Variants in GPT2 observed in about 807,000 individuals in gnomAD.
GPT2 encodes the protein alanine aminotransferase 2.
Under a neutral mutation model 56.9 loss-of-function variants are expected in GPT2, and 30 were observed. The ratio of observed to expected loss-of-function variants is 0.53; its 90% CI spans 0.39 to 0.72. The LOEUF (loss-of-function observed/expected upper bound fraction) is 0.72. Ranked by LOEUF, GPT2 falls within the 30% of genes least tolerant of loss-of-function variation. The pLI is 0.00. For missense variants in GPT2, 542 were observed against 703.4 expected (o/e 0.77, Z 2.60); for synonymous variants, 271 against 283.1 (o/e 0.96, Z 0.43).
At chr16:46,907,860 C>T (rs893311569) in intron 5 of GPT2, among the ~76,000 whole-genome samples, 10 of 152,044 alleles carry the variant, frequency 6.6e-5, no homozygotes, top group African/African-American at 2.4e-4. Context: ...GGTCAGCTAC[C>T]GATGGGGTCG....
chr16:46,898,956 GTATATATATACACACACACATATA>G (rs1960750573), intron 3 of GPT2, among the ~76,000 whole-genome samples: 1 of 89,524 alleles, frequency 1.1e-5, no homozygotes, highest in African/African-American at 4.3e-5. Flanking sequence ...ACATATATGT[GTATATATATACACACACACATATA>G]TATATATATA....
chr16:46,890,631 G>A (rs1596859766), intron 2 of GPT2, among the ~76,000 whole-genome samples: 1 of 152,156 alleles, frequency 6.6e-6, no homozygotes, highest in Non-Finnish European at 1.5e-5. Flanking sequence ...TATTGAGGGG[G>A]AGACAAATAT....
At chr16:46,911,262 A>G (rs1429839959) in intron 6 of GPT2, among the ~76,000 whole-genome samples, 3 of 152,184 alleles carry the variant, frequency 2.0e-5, no homozygotes, top group Non-Finnish European at 4.4e-5. Flanking sequence ...CGCTGCCTTC[A>G]TATGCCCCCA....
intron 3 of GPT2, among the ~76,000 whole-genome samples, chr16:46,899,027 ATATATATATT>A (rs1960761678): frequency 4.4e-4 from 3 of 6,840 alleles, no homozygotes; most frequent in Admixed American, 2.2e-3. Context: ...ATATATATAT[ATATATATATT>A]TTTTTTTTTT....
At chr16:46,891,374 C>T (rs998049567) in intron 2 of GPT2, among the ~76,000 whole-genome samples, 1 of 151,864 alleles carries the variant, frequency 6.6e-6, no homozygotes, top group Non-Finnish European at 1.5e-5. Context: ...TCCTGAGTAG[C>T]TGGGATTACA....
At chr16:46,903,147 A>T (rs1453253861) in intron 4 of GPT2, among the ~76,000 whole-genome samples, 2 of 151,450 alleles carry the variant, frequency 1.3e-5, no homozygotes, top group Non-Finnish European at 2.9e-5. Context: ...TACTTGGGAG[A>T]CTGAGACAGG....
intron 2 of GPT2, among the ~76,000 whole-genome samples, chr16:46,896,501 G>A (rs1228087282): frequency 2.0e-5 from 3 of 151,782 alleles, no homozygotes; most frequent in Non-Finnish European, 4.4e-5. Context: ...ATTCTGCAAA[G>A]AATGGGTTGC....
chr16:46,886,833 TTC>T (rs1406546315), intron 2 of GPT2, among the ~76,000 whole-genome samples: 1 of 152,158 alleles, frequency 6.6e-6, no homozygotes, highest in Non-Finnish European at 1.5e-5. Context: ...CATCTCTGAT[TTC>T]TGAGACAGAA....
chr16:46,906,540 G>A lies in GPT2; in HGVS notation c.443-302G>A, dbSNP rs186658104. Among the ~76,000 whole-genome samples, 9 of 152,318 alleles carry A rather than the reference G, an allele frequency of 5.9e-5. No homozygotes were observed. In the East Asian group the frequency reaches 1.3e-3, roughly 23 times the overall value. ...GTGGACACCATTTGACTGAGTAGAA[G>A]CCAGGGCCTAGAATAATGTGTAACG... On this transcript the variant is annotated intron_variant, in intron 4 of 11. Transcript: ENST00000340124.
chr16:46,901,470 G>A (rs1342633906), intron 4 of GPT2, among the ~76,000 whole-genome samples: 2 of 152,134 alleles, frequency 1.3e-5, no homozygotes, highest in African/African-American at 2.4e-5. Context: ...CCAGCCTCTG[G>A]GCCTCCAGGT....
At chr16:46,918,815 G>A (rs959527908) in intron 8 of GPT2, 58 bp downstream of exon 8, 18 of 1,596,612 alleles carry the variant, frequency 1.1e-5, no homozygotes, top group East Asian at 2.2e-5. Context: ...TCACGCTGCC[G>A]GCTCCTCTGC....
At chr16:46,917,476 G>A (rs909902204) in intron 7 of GPT2, among the ~76,000 whole-genome samples, 3 of 152,166 alleles carry the variant, frequency 2.0e-5, no homozygotes, top group Admixed American at 1.3e-4. Flanking sequence ...TCTTAACCCG[G>A]TACCTGTTGC....
In GPT2 at chr16:46,884,937, G is replaced by A; in HGVS notation, c.222G>A (p.Glu74=). 6.6e-7 allele frequency: 1 copy of A among 1,525,530 alleles called. No homozygotes were observed. Among genetic ancestry groups the A allele is most frequent in the Non-Finnish European group, 8.8e-7 (1 of 1,134,076 alleles). 94.5% of individuals were successfully genotyped at this position (1,525,530 alleles called of 1,614,324 possible). A position where few individuals can be genotyped will look rare whatever the true frequency, so the allele number is the denominator to read the frequency against. The change falls in exon 2 of 12, where the codon GAG becomes GAA. Residue 74 remains glutamate (E), a synonymous_variant. Coordinates refer to ENST00000340124, the MANE Select transcript of GPT2 (RefSeq NM_133443.4). ...GACCCATCGTGCTCAAGGCCGGCGA[G>A]ATCGAGCTCGAGCTGCAGCGGGTGA... ...VRGPIVLKAG[E]IELELQRGIK... is the part of the protein sequence containing the mutation.
chr16:46,925,629 G>A (rs1348019794), intron 10 of GPT2, among the ~76,000 whole-genome samples: 8 of 151,982 alleles, frequency 5.3e-5, no homozygotes. Context: ...CCAGGAGTTC[G>A]AGACCAGCCT....
chr16:46,894,219 C>T (rs1409871009), intron 2 of GPT2, among the ~76,000 whole-genome samples: 24 of 152,138 alleles, frequency 1.6e-4, no homozygotes, highest in Non-Finnish European at 2.9e-5. Flanking sequence ...GGGGAGGGCA[C>T]GGGAAAGGAA....
At chr16:46,924,654 A>C in intron 10 of GPT2, 110 bp downstream of exon 10, 1 of 1,117,732 alleles carries the variant, frequency 8.9e-7, no homozygotes. Flanking sequence ...GGAGGCTCGG[A>C]ACTGTATGCA....
chr16:46,909,737 G>T lies in GPT2; in HGVS notation c.630G>T (p.Met210Ile), dbSNP rs905090806. ...SGGGKSRTGV[M>I]IPIPQYPLYS... ...GCGGCAAGTCACGGACAGGTGTGAT[G>T]ATCCCCATCCCACAATATCCCCTCT... The change falls in exon 6 of 12, where the codon ATG becomes ATT. Residue 210 changes from methionine (M) to isoleucine (I), a missense_variant. By Grantham distance (10) the Met-to-Ile change is conservative (BLOSUM62 1). Coordinates refer to ENST00000340124, the MANE Select transcript of GPT2 (RefSeq NM_133443.4). 6.2e-7 allele frequency: 1 copy of T among 1,614,000 alleles called. No homozygotes were observed. Among genetic ancestry groups the T allele is most frequent in the Admixed American group, 1.7e-5 (1 of 59,978 alleles).
intron 7 of GPT2, among the ~76,000 whole-genome samples, chr16:46,917,979 C>T (rs756138553): frequency 2.6e-5 from 4 of 152,146 alleles, no homozygotes; most frequent in Admixed American, 1.3e-4. Context: ...CTTGACCCTC[C>T]GACTGATCCC....
intron 2 of GPT2, among the ~76,000 whole-genome samples, chr16:46,886,177 C>CT (rs781192962): frequency 1.4e-4 from 21 of 152,318 alleles, no homozygotes; most frequent in East Asian, 9.6e-4. Context: ...AGGAGGCTGG[C>CT]TTTGTTTCTG....
Sources: allele counts gnomAD v4.1 joint callset (sites outside exome capture counted in the v4.1 genomes callset), GRCh38; gene constraint gnomAD v4.1.1; transcripts MANE v1.5; gene names NCBI Gene and HGNC (gene_info 2026-07-23, HGNC 2026-07-21).